The following PDLIM3 variants were observed in gnomAD, a reference collection of about 807,000 sequenced individuals.
PDLIM3 encodes PDZ and LIM domain 3, also known as PDZ and LIM domain protein 3.
A neutral mutation model predicts 37.3 loss-of-function variants in PDLIM3; 36 were observed. That is an observed-to-expected ratio of 0.97 (90% confidence interval 0.74 to 1.28). PDLIM3 has a LOEUF of 1.28. Ranked by LOEUF, PDLIM3 falls within the 50% of genes most tolerant of loss-of-function variation. The pLI is 0.00. For synonymous variants in PDLIM3, 174 were observed against 182.4 expected (o/e 0.95, Z 0.37); for missense variants, 454 against 485.0 (o/e 0.94, Z 0.60).
Position 185,514,484 on chromosome 4 carries a change from G to T in PDLIM3, c.331-147C>A. 1 of 1,505,070 alleles carries T rather than the reference G, an allele frequency of 6.6e-7. No individual in the cohort carries two copies. The highest frequency in any genetic ancestry group is 9.1e-7 in the Non-Finnish European group (1 of 1,101,416). 93.2% of individuals were successfully genotyped at this position (1,505,070 alleles called of 1,614,324 possible). On this transcript the variant is annotated intron_variant, in intron 3 of 7. Transcript: ENST00000284767. The surrounding 1 kb of genome is among the most constrained non-coding windows in gnomAD (Gnocchi z 4.0). Reference sequence around the variant, plus strand: ...AAGGCGATGACGGGACCAGGACGATGTCTTCTTTCCAACCATCTATCCGCT... The same window carrying T: ...AAGGCGATGACGGGACCAGGACGATTTCTTCTTTCCAACCATCTATCCGCT...
rs1021010073 is a variant in PDLIM3 at position 185,508,338 on chromosome 4, C to T, written c.623G>A (p.Gly208Asp). 2 of 1,614,090 alleles carry T rather than the reference C, an allele frequency of 1.2e-6. No individual in the cohort carries two copies. The highest frequency in any genetic ancestry group is 4.5e-5 in the East Asian group (2 of 44,880). The change falls in exon 5 of 8, where the codon GGT becomes GAT. Residue 208 changes from glycine to aspartate, a missense_variant. Gly to Asp is a moderately conservative substitution (Grantham distance 94). Transcript: ENST00000284767. ...TTCCCCTAGGGCTGTTGAAACCTGA[C>T]CCTGGAGTGTTTCCATAATATTGTC... is the stretch of plus-strand genomic sequence containing the variant. ...SDDNIMETLQGQVSTALGETP... is the reference protein window; with the variant it reads ...SDDNIMETLQDQVSTALGETP...
At chr4:185,524,906 G>A (rs906262181) in intron 2 of PDLIM3, 114 bp downstream of exon 2, 10 of 1,011,582 alleles carry the variant, frequency 9.9e-6, no homozygotes, top group Middle Eastern at 2.1e-4. Context: ...TAAAAAGTCA[G>A]CCAAAATACT....
intron 4 of PDLIM3, chr4:185,512,734 C>T: frequency 1.0e-6 from 1 of 984,518 alleles, no homozygotes; most frequent in Non-Finnish European, 1.2e-6. Flanking sequence ...GAAAAGAATG[C>T]AAGTGATTAA....
chr4:185,523,446 C>T lies in PDLIM3; in HGVS notation c.246G>A (p.Arg82=), dbSNP rs200354645. 1.6e-4 allele frequency: 260 copies of T among 1,586,788 alleles called. 1 individual carries two copies. The Middle Eastern group carries it at 2.0e-3, about 12-fold the overall frequency. ...AAHQLCLKID[R]GETHLWSPQV... Reference sequence around the variant, plus strand: ...GTGGAGACCATAAGTGAGTTTCTCCCCTGGAAATAAAATAAAATTTGTAAA... The same window carrying T: ...GTGGAGACCATAAGTGAGTTTCTCCTCTGGAAATAAAATAAAATTTGTAAA... The change falls in exon 3 of 8, where the codon AGG becomes AGA. Residue 82 remains arginine (R), a splice_region_variant and synonymous_variant. Coordinates refer to ENST00000284767, the MANE Select transcript of PDLIM3 (RefSeq NM_014476.6).
intron 5 of PDLIM3, 71 bp from the exon 6 acceptor site, chr4:185,506,723 A>G (rs2095698208): frequency 1.4e-6 from 2 of 1,453,994 alleles, no homozygotes; most frequent in East Asian, 2.3e-5. Flanking sequence ...GGCCAGAGAC[A>G]TCAATACTCA....
In PDLIM3 at chr4:185,503,658, A is replaced by G. The variant is rs915676444; in HGVS notation, c.905+817T>C. The stretch of plus-strand genomic sequence containing the variant: ...CTAGCAAGTGTGGCTATTTAAACAT[A>G]AGGTCCCTGCCGGGCACGGTGGCTC... On this transcript the variant is annotated intron_variant, in intron 7 of 7. Coordinates refer to ENST00000284767, the MANE Select transcript of PDLIM3 (RefSeq NM_014476.6). 3.9e-5 allele frequency among the ~76,000 whole-genome samples: 6 copies of G among 152,292 alleles called. No homozygotes were observed. In the South Asian group the frequency reaches 1.2e-3, roughly 32 times the overall value.
At chr4:185,507,434 A>G (rs1223348181) in intron 5 of PDLIM3, among the ~76,000 whole-genome samples, 1 of 152,172 alleles carries the variant, frequency 6.6e-6, no homozygotes, top group Admixed American at 6.5e-5. Flanking sequence ...TGCATTATCT[A>G]GAAAACATAC....
chr4:185,507,394 G>T (rs2095699471), intron 5 of PDLIM3, among the ~76,000 whole-genome samples: 2 of 151,974 alleles, frequency 1.3e-5, no homozygotes, highest in African/African-American at 4.8e-5. Flanking sequence ...TATATGTTAA[G>T]CACTACTTTA....
At position 185,525,148 on chromosome 4, in the gene PDLIM3, T is replaced by C. The variant is rs780301455; in HGVS notation, c.117A>G (p.Ala39=). 1 of 1,614,204 alleles carries C rather than the reference T, an allele frequency of 6.2e-7. No homozygotes were observed. The highest frequency in any genetic ancestry group is 8.5e-7 in the Non-Finnish European group (1 of 1,180,008). The change falls in exon 2 of 8, where the codon GCA becomes GCG. Residue 39 remains alanine (A), a synonymous_variant. Coordinates refer to ENST00000284767, the MANE Select transcript of PDLIM3 (RefSeq NM_014476.6). ...CATCTCCAGGACACAGGTTGGCAGC[T>C]GCCGCCTTGCTTCCTGGTGTAATCT... ...ITRITPGSKA[A]AANLCPGDVI...
intron 2 of PDLIM3, among the ~76,000 whole-genome samples, chr4:185,524,656 A>C (rs1460659655): frequency 6.6e-6 from 1 of 151,832 alleles, no homozygotes; most frequent in Non-Finnish European, 1.5e-5. Context: ...GAATCTCTCC[A>C]TTCCATTCCA....
intron 2 of PDLIM3, among the ~76,000 whole-genome samples, chr4:185,524,064 A>T (rs1234525191): frequency 9.9e-5 from 15 of 151,862 alleles, no homozygotes. Context: ...TCTGCAGATG[A>T]CCACCAGGCA....
intron 1 of PDLIM3, among the ~76,000 whole-genome samples, chr4:185,525,765 C>G (rs909612376): frequency 8.5e-5 from 13 of 152,100 alleles, no homozygotes; most frequent in Admixed American, 7.2e-4. Context: ...AAAAAGGCCT[C>G]AGAGAGAGCT....
chr4:185,512,603 T>A (rs1197946279), intron 4 of PDLIM3: 2 of 933,514 alleles, frequency 2.1e-6, no homozygotes, highest in Non-Finnish European at 2.6e-6. Flanking sequence ...CCTGACTTTT[T>A]ATAAAATTAA....
At chr4:185,523,936 TG>T (rs2153337995) in intron 2 of PDLIM3, among the ~76,000 whole-genome samples, 1 of 151,588 alleles carries the variant, frequency 6.6e-6, no homozygotes, top group South Asian at 2.1e-4. Context: ...ACATTTTTAA[TG>T]TCCTTTTGGG....
At chr4:185,526,779 G>A (rs1028130324) in intron 1 of PDLIM3, among the ~76,000 whole-genome samples, 4 of 152,062 alleles carry the variant, frequency 2.6e-5, no homozygotes, top group Non-Finnish European at 4.4e-5. Flanking sequence ...TGCCCTTTCT[G>A]GGGGTTCTCA....
chr4:185,504,612 T>C lies in PDLIM3; in HGVS notation c.794-26A>G, dbSNP rs987228792. The C allele has an allele frequency of 1.4e-5, 22 of 1,580,042 alleles. No homozygotes were observed. Among genetic ancestry groups the C allele is most frequent in the Non-Finnish European group, 1.8e-5 (21 of 1,150,582 alleles). The stretch of plus-strand genomic sequence containing the variant: ...CTGAAAAACAAAGCGTTTCCATTTA[T>C]GGCTAGGGAACAGCTGGCCGCAGCC... On this transcript the variant is annotated intron_variant, in intron 6 of 7. Transcript: ENST00000284767. The surrounding 1 kb of genome is among the most constrained non-coding windows in gnomAD (Gnocchi z 4.7).
chr4:185,525,236 C>T, intron 1 of PDLIM3, 65 bp from the exon 2 acceptor site: 1 of 1,505,488 alleles, frequency 6.6e-7, no homozygotes, highest in Non-Finnish European at 9.2e-7. Context: ...TTGTGCCTGA[C>T]ATTTGTGTTT....
intron 1 of PDLIM3, among the ~76,000 whole-genome samples, chr4:185,533,229 C>T (rs533327422): frequency 1.3e-5 from 2 of 152,310 alleles, no homozygotes; most frequent in African/African-American, 2.4e-5. Context: ...ACCTCACACA[C>T]TGCCTTTCAA....
At position 185,514,780 on chromosome 4, in the gene PDLIM3, A is replaced by G. The variant is rs2153335662; in HGVS notation, c.331-443T>C. 6.4e-7 allele frequency: 1 copy of G among 1,551,988 alleles called. No homozygotes were observed. The highest frequency in any genetic ancestry group is 8.7e-7 in the Non-Finnish European group (1 of 1,147,038). On this transcript the variant is annotated intron_variant, in intron 3 of 7. Coordinates refer to ENST00000284767, the MANE Select transcript of PDLIM3 (RefSeq NM_014476.6). The surrounding 1 kb of genome is among the most constrained non-coding windows in gnomAD (Gnocchi z 4.0). ...GTATATTGCTAGTTGAATAGAGCCC[A>G]ATTGGCGAGTTATAGGAAGCGCTCA...
Sources: gnomAD v4.1 joint callset for allele counts (sites outside exome capture counted in the v4.1 genomes callset) on GRCh38, gnomAD v4.1.1 for gene constraint, Gnocchi (gnomAD v3.1) non-coding constraint, MANE v1.5 for transcripts, NCBI Gene and HGNC (gene_info 2026-07-23, HGNC 2026-07-21) for gene names.